DYSF: variants seen among roughly 807,000 people sequenced by gnomAD.
DYSF encodes the protein dystrophy-associated fer-1-like 1.
A neutral mutation model predicts 274.9 loss-of-function variants in DYSF; 212 were observed. The ratio of observed to expected loss-of-function variants is 0.77; its 90% confidence interval spans 0.69 to 0.86. DYSF has a LOEUF of 0.86. Ranked by LOEUF, DYSF falls within the 40% of genes least tolerant of loss-of-function variation. The probability of loss-of-function intolerance (pLI) is 0.00; values close to 1 mark genes in which losing one functional copy is unlikely to be tolerated. For missense variants in DYSF, 2,666 were observed against 2,783.2 expected (o/e 0.96, Z 0.95); for synonymous variants, 1,091 against 1,078.7 (o/e 1.01, Z -0.22).
At chr2:71,681,291 A>G (rs142884795) in intron 54 of DYSF, among the ~76,000 whole-genome samples, 181 bp downstream of exon 54, 3 of 152,240 alleles carry the variant, frequency 2.0e-5, no homozygotes, top group African/African-American at 7.2e-5. Flanking sequence ...CTGTCCAGAG[A>G]ACACTGGGCT....
chr2:71,579,288 G>C (rs2092810924), intron 30 of DYSF, among the ~76,000 whole-genome samples: 1 of 152,186 alleles, frequency 6.6e-6, no homozygotes, highest in African/African-American at 2.4e-5. Flanking sequence ...TGCTTGGCTT[G>C]AGTGTTGGGA....
At chr2:71,603,982 C>T (rs2093602782) in intron 36 of DYSF, among the ~76,000 whole-genome samples, 1 of 152,200 alleles carries the variant, frequency 6.6e-6, no homozygotes, top group Admixed American at 6.5e-5. Context: ...TGGGCCAGAG[C>T]CCGAAGAGCA....
At chr2:71,566,472 G>A (rs1225764087) in intron 24 of DYSF, among the ~76,000 whole-genome samples, 1 of 151,530 alleles carries the variant, frequency 6.6e-6, no homozygotes, top group African/African-American at 2.4e-5. Context: ...GCAGCAAGCA[G>A]AGACCAAGAA....
intron 36 of DYSF, chr2:71,610,778 C>G: frequency 7.8e-6 from 2 of 255,824 alleles, no homozygotes; most frequent in South Asian, 9.4e-5. Context: ...AATACCAGGA[C>G]AGATGATAAC....
At chr2:71,662,781 A>C (rs2094912071) in intron 45 of DYSF, among the ~76,000 whole-genome samples, 1 of 136,328 alleles carries the variant, frequency 7.3e-6, no homozygotes, top group South Asian at 2.4e-4. Context: ...GTGTGTGTGT[A>C]TGTGTGTTTG....
chr2:71,484,684 C>T (rs2083224882), intron 3 of DYSF, among the ~76,000 whole-genome samples: 1 of 152,194 alleles, frequency 6.6e-6, no homozygotes, highest in Non-Finnish European at 1.5e-5. Flanking sequence ...CCCTTCCCTG[C>T]CTCTGGATTC....
chr2:71,474,840 G>A (rs1322751655), intron 1 of DYSF, among the ~76,000 whole-genome samples: 4 of 152,174 alleles, frequency 2.6e-5, no homozygotes, highest in East Asian at 1.9e-4. Flanking sequence ...GAAGCCTGGA[G>A]CACCAGGAAA....
intron 30 of DYSF, among the ~76,000 whole-genome samples, chr2:71,582,693 G>A (rs2092935414): frequency 6.6e-6 from 1 of 152,124 alleles, no homozygotes; most frequent in Non-Finnish European, 1.5e-5. Context: ...CCCAGCCCTG[G>A]TTTGTAGCAT....
intron 47 of DYSF, among the ~76,000 whole-genome samples, chr2:71,666,402 G>A (rs890293817): frequency 2.6e-5 from 4 of 152,244 alleles, no homozygotes; most frequent in Admixed American, 2.0e-4. Context: ...CTTCTGAGGT[G>A]CATGCCTCTT....
At chr2:71,472,641 C>T (rs187767656) in intron 1 of DYSF, among the ~76,000 whole-genome samples, 291 of 152,306 alleles carry the variant, frequency 1.9e-3, no homozygotes, top group African/African-American at 6.6e-3. Context: ...CTCCTGACTT[C>T]GTGATCCACC....
intron 22 of DYSF, 102 bp from the exon 23 acceptor site, chr2:71,561,650 G>A (rs143406428): frequency 2.2e-4 from 310 of 1,402,600 alleles, no homozygotes; most frequent in African/African-American, 2.1e-3. Context: ...GCAGGCAGGC[G>A]GAGGGGGTGG....
intron 3 of DYSF, among the ~76,000 whole-genome samples, chr2:71,496,326 T>G (rs2084387515): frequency 6.6e-6 from 1 of 152,072 alleles, no homozygotes; most frequent in African/African-American, 2.4e-5. Flanking sequence ...GAGGCCACGC[T>G]GTGCAGGGCC....
In DYSF at chr2:71,555,040, C is replaced by T. The variant is rs575037419; in HGVS notation, c.2110-925C>T. Reference sequence around the variant, plus strand: ...GGAAGGGGGACTGGAGAGGCCTGGGCGTGTCTGTGGGTGGGGAGGTGAGCA... The same window carrying T: ...GGAAGGGGGACTGGAGAGGCCTGGGTGTGTCTGTGGGTGGGGAGGTGAGCA... On this transcript the variant is annotated intron_variant, in intron 21 of 55. Transcript: ENST00000410020. Among the ~76,000 whole-genome samples, 265 of 151,718 alleles carry T rather than the reference C, an allele frequency of 1.7e-3. 2 individuals carry two copies. The highest frequency in any genetic ancestry group is 2.7e-3 in the Non-Finnish European group (181 of 67,866).
intron 24 of DYSF, among the ~76,000 whole-genome samples, chr2:71,567,499 T>G (rs1346704523): frequency 1.3e-5 from 2 of 152,250 alleles, no homozygotes; most frequent in Non-Finnish European, 2.9e-5. Flanking sequence ...GCAGTCATAC[T>G]GGCCACATTT....
intron 4 of DYSF, among the ~76,000 whole-genome samples, chr2:71,508,409 G>A (rs568348617): frequency 6.6e-6 from 1 of 152,276 alleles, no homozygotes; most frequent in African/African-American, 2.4e-5. Flanking sequence ...TGTAGCAGAA[G>A]GATCCCACTA....
At chr2:71,459,431 C>T (rs1052148280) in intron 1 of DYSF, among the ~76,000 whole-genome samples, 2 of 152,074 alleles carry the variant, frequency 1.3e-5, no homozygotes, top group African/African-American at 4.8e-5. Context: ...CTTCCAGAAA[C>T]GTGGCAGGTG....
rs370435232 is a variant in DYSF, at chr2:71,553,232, G to A, written c.1984+44G>A. 464 of 1,612,470 alleles carry A rather than the reference G, an allele frequency of 2.9e-4. 1 individual carries two copies. The highest frequency in any genetic ancestry group is 2.8e-4 in the Admixed American group (17 of 60,024). On this transcript the variant is annotated intron_variant, in intron 20 of 55. Coordinates refer to ENST00000410020, the MANE Select transcript of DYSF (RefSeq NM_001130987.2). ...CTGGGACCCCGATCACAGGATCATA[G>A]AGCAGGGGGCCACACCTTAAATCCC...
At chr2:71,659,786 G>A (rs778736608) in intron 44 of DYSF, among the ~76,000 whole-genome samples, 1 of 152,194 alleles carries the variant, frequency 6.6e-6, no homozygotes, top group Non-Finnish European at 1.5e-5. Context: ...GAGGTGGGAG[G>A]CAGAGTAATG....
intron 48 of DYSF, among the ~76,000 whole-genome samples, chr2:71,667,962 A>T (rs2095047524): frequency 6.6e-6 from 1 of 151,940 alleles, no homozygotes; most frequent in Admixed American, 6.5e-5. Context: ...ACCCACAGAG[A>T]GCAGTCCTCA....
Sources: gnomAD v4.1 joint callset for allele counts (sites outside exome capture counted in the v4.1 genomes callset) on GRCh38, gnomAD v4.1.1 for gene constraint, MANE v1.5 for transcripts, NCBI Gene and HGNC (gene_info 2026-07-23, HGNC 2026-07-21) for gene names.